Variants in AZIN2 observed in about 807,000 individuals in gnomAD.
AZIN2 encodes ODC antizyme inhibitor-2.
Under a neutral mutation model 47.8 loss-of-function variants are expected in AZIN2, and 28 were observed. The observed-to-expected ratio is 0.59, with a 90% CI of 0.43 to 0.80. The LOEUF is 0.80. Among genes scored for constraint, AZIN2 ranks in the 30% least tolerant of loss-of-function variants. The probability of loss-of-function intolerance (pLI) is 0.00; values close to 1 mark genes in which losing one functional copy is unlikely to be tolerated. For missense variants in AZIN2, 535 were observed against 582.5 expected (o/e 0.92, Z 0.84); for synonymous variants, 221 against 239.4 (o/e 0.92, Z 0.71).
chr1:33,108,729 A>T (rs1385293065), intron 10 of AZIN2, among the ~76,000 whole-genome samples: 1 of 152,212 alleles, frequency 6.6e-6, no homozygotes, highest in Non-Finnish European at 1.5e-5. Context: ...GCACTGAATA[A>T]TATTCCATTA....
At chr1:33,104,527 T>C (rs1368034036) in intron 10 of AZIN2, among the ~76,000 whole-genome samples, 1 of 148,952 alleles carries the variant, frequency 6.7e-6, no homozygotes, top group African/African-American at 2.5e-5. Flanking sequence ...TCTGCTGTTA[T>C]AGATTATCTT....
intron 8 of AZIN2, 76 bp from the exon 9 acceptor site, chr1:33,096,631 T>G: frequency 1.3e-6 from 2 of 1,555,574 alleles, no homozygotes; most frequent in Non-Finnish European, 1.8e-6. Flanking sequence ...AGAAATAGAC[T>G]TGGAGCTGTA....
At chr1:33,135,472 G>A in the AZIN2 span, among the ~76,000 whole-genome samples, 8 of 152,264 alleles carry the variant, frequency 5.3e-5, no homozygotes, top group East Asian at 3.9e-4. Flanking sequence ...TCTAGCTGTC[G>A]TTAGGCATTA....
At chr1:33,155,797 C>T in the AZIN2 span, among the ~76,000 whole-genome samples, 1 of 152,202 alleles carries the variant, frequency 6.6e-6, no homozygotes, top group Non-Finnish European at 1.5e-5. Context: ...TGCTGCCAGT[C>T]AGTTTGAATC....
chr1:33,108,997 TG>T (rs1259911834), intron 10 of AZIN2, among the ~76,000 whole-genome samples: 2 of 152,238 alleles, frequency 1.3e-5, no homozygotes, highest in Non-Finnish European at 2.9e-5. Context: ...CAGCAATGAA[TG>T]GGAGTTCTTG....
the AZIN2 span, among the ~76,000 whole-genome samples, chr1:33,153,671 ACACTAG>A: frequency 6.6e-6 from 1 of 152,290 alleles, no homozygotes; most frequent in East Asian, 1.9e-4. Flanking sequence ...TGAGAAGGGA[ACACTAG>A]CATCCCTATT....
chr1:33,109,348 A>G (rs1570144184), intron 10 of AZIN2, among the ~76,000 whole-genome samples: 1 of 141,382 alleles, frequency 7.1e-6, no homozygotes, highest in African/African-American at 2.6e-5. Context: ...TTTTTAAGTT[A>G]GAGTCTTGCT....
At chr1:33,100,733 A>G (rs1316017593) in intron 10 of AZIN2, among the ~76,000 whole-genome samples, 2 of 152,234 alleles carry the variant, frequency 1.3e-5, no homozygotes, top group Non-Finnish European at 2.9e-5. Flanking sequence ...TTAAAAAATG[A>G]ATAATTCCAT....
chr1:33,097,036 C>CATTT, intron 9 of AZIN2, 167 bp downstream of exon 9: 1 of 737,300 alleles, frequency 1.4e-6, no homozygotes, highest in East Asian at 2.7e-5. Flanking sequence ...CACCCCAAGA[C>CATTT]ATTTATTTAG....
chr1:33,136,188 C>T, the AZIN2 span, among the ~76,000 whole-genome samples: 8 of 148,552 alleles, frequency 5.4e-5, no homozygotes, highest in African/African-American at 2.0e-4. Flanking sequence ...CCCTCTCTCC[C>T]TCCCTCCATT....
At position 33,092,071 on chromosome 1, in the gene AZIN2, C is replaced by G; in HGVS notation, c.301C>G (p.His101Asp). Residue 101 changes from histidine (H) to aspartate (D), a missense_variant, in exon 6 of 12, where the codon CAT becomes GAT. Around this residue, in one of 3 missense-constraint regions of AZIN2, gnomAD observed 409 missense variants for 429.0 expected, o/e 0.95. Coordinates refer to ENST00000294517, the MANE Select transcript of AZIN2 (RefSeq NM_052998.4). ...ATAGGCAGAGATGGAGTTGGTCCAGCATATTGGAATCCCTGCCAGTAAGAT... is the reference window on the plus strand; with the variant it reads ...ATAGGCAGAGATGGAGTTGGTCCAGGATATTGGAATCCCTGCCAGTAAGAT... ...ANKAEMELVQ[H>D]IGIPASKIIC... 1.9e-6 allele frequency: 3 copies of G among 1,614,030 alleles called. No individual in the cohort carries two copies. Among genetic ancestry groups the G allele is most frequent in the Non-Finnish European group, 2.5e-6 (3 of 1,179,938 alleles).
At chr1:33,091,818 C>G (rs1045309167) in intron 5 of AZIN2, among the ~76,000 whole-genome samples, 25 of 152,202 alleles carry the variant, frequency 1.6e-4, no homozygotes, top group Admixed American at 7.2e-4. Context: ...ACTCCCCACC[C>G]CCAGGATTGT....
chr1:33,088,173 C>G (rs1188467209), intron 5 of AZIN2, among the ~76,000 whole-genome samples: 2 of 152,170 alleles, frequency 1.3e-5, no homozygotes, highest in East Asian at 3.9e-4. Context: ...CAGCTCAGAC[C>G]TATATATCCA....
downstream of AZIN2, among the ~76,000 whole-genome samples, chr1:33,126,712 C>G (rs893606800): frequency 7.0e-6 from 1 of 142,482 alleles, no homozygotes; most frequent in Non-Finnish European, 1.6e-5. Context: ...GCACGTAGGA[C>G]CCCCCCAATA....
At chr1:33,141,533 A>G in the AZIN2 span, among the ~76,000 whole-genome samples, 1 of 152,184 alleles carries the variant, frequency 6.6e-6, no homozygotes, top group African/African-American at 2.4e-5. Flanking sequence ...AGTTTTGGGA[A>G]GCTCACCAGG....
chr1:33,087,437 A>G (rs894085207), intron 5 of AZIN2, among the ~76,000 whole-genome samples: 4 of 148,648 alleles, frequency 2.7e-5, no homozygotes, highest in African/African-American at 1.0e-4. Context: ...CCAGCCATAT[A>G]TATATATATT....
In AZIN2 at chr1:33,120,586, T is replaced by C. The variant is rs1644773335; in HGVS notation, c.*404T>C. The stretch of plus-strand genomic sequence containing the variant: ...AGCCTGGGCTAGGCCTGGGGCAGGA[T>C]TTCCCCATCACTCACTGATGAGCCC... On this transcript the variant is annotated 3_prime_UTR_variant, in exon 12 of 12. Transcript: ENST00000294517. 1 of 177,584 alleles carries C rather than the reference T, an allele frequency of 5.6e-6. No homozygotes were observed. The highest frequency in any genetic ancestry group is 5.3e-5 in the Admixed American group (1 of 18,710). The allele number at this position is 177,584 out of a possible 1,614,324, so 11.0% of individuals were successfully genotyped here.
At chr1:33,093,754 A>T (rs1642838702) in intron 7 of AZIN2, among the ~76,000 whole-genome samples, 1 of 136,034 alleles carries the variant, frequency 7.4e-6, no homozygotes, top group Admixed American at 7.6e-5. Context: ...TTTTTGAGAT[A>T]GGGTCTCACT....
chr1:33,165,561 C>A, the AZIN2 span: 1 of 1,607,222 alleles, frequency 6.2e-7, no homozygotes, highest in Non-Finnish European at 8.5e-7. This position sits in a 1 kb window ranked among gnomAD's most constrained non-coding sequence, Gnocchi z 4.0. Flanking sequence ...GGTCCTTCAG[C>A]TCCCTCTGAA....
Sources: allele counts gnomAD v4.1 joint callset (sites outside exome capture counted in the v4.1 genomes callset), GRCh38; gene constraint gnomAD v4.1.1; regional missense constraint gnomAD v4.1.1; non-coding constraint Gnocchi (gnomAD v3.1); transcripts MANE v1.5; gene names NCBI Gene and HGNC (gene_info 2026-07-23, HGNC 2026-07-21).